CYP7B1: variants seen among roughly 807,000 people sequenced by gnomAD.
CYP7B1 encodes cytochrome P450 7B1.
In CYP7B1, 29 loss-of-function variants were observed where a neutral mutation model predicts 42.7. The observed-to-expected ratio is 0.68, with a 90% CI of 0.51 to 0.93. CYP7B1 has a LOEUF of 0.93. CYP7B1 is among the 40% of genes least tolerant of loss of function. The probability of loss-of-function intolerance (pLI) is 0.00; values close to 1 mark genes in which losing one functional copy is unlikely to be tolerated. For missense variants in CYP7B1, 655 were observed against 600.5 expected (o/e 1.09, Z -0.95); for synonymous variants, 235 against 218.2 (o/e 1.08, Z -0.68).
intron 5 of CYP7B1, among the ~76,000 whole-genome samples, chr8:64,600,903 C>A (rs1805192766): frequency 1.3e-5 from 2 of 152,172 alleles, no homozygotes; most frequent in Admixed American, 6.5e-5. Context: ...GGCTGAGTCC[C>A]TATACTGCAA....
chr8:64,795,136 C>A (rs1024761877), intron 1 of CYP7B1, among the ~76,000 whole-genome samples: 1 of 152,080 alleles, frequency 6.6e-6, no homozygotes, highest in African/African-American at 2.4e-5. Flanking sequence ...TTACAAACCA[C>A]AATTAAATAG....
intron 1 of CYP7B1, among the ~76,000 whole-genome samples, chr8:64,645,107 A>T (rs201642250): frequency 0.062 from 9,175 of 149,070 alleles, 327 homozygotes; most frequent in South Asian, 0.14. Flanking sequence ...TTTTTATGGC[A>T]GCATAGTATT....
chr8:64,731,848 C>T (rs1807415887), intron 1 of CYP7B1, among the ~76,000 whole-genome samples: 1 of 152,218 alleles, frequency 6.6e-6, no homozygotes, highest in Admixed American at 6.5e-5. Context: ...ACAGCTCAGG[C>T]CATGAATTCA....
chr8:64,696,811 T>C (rs1294012755), intron 1 of CYP7B1, among the ~76,000 whole-genome samples: 1 of 152,204 alleles, frequency 6.6e-6, no homozygotes, highest in Non-Finnish European at 1.5e-5. Flanking sequence ...AGGTAATTCT[T>C]TTATGAGATG....
rs1010140218 is a variant in CYP7B1, at chr8:64,615,736, C to T, written c.805G>A (p.Asp269Asn). Residue 269 changes from aspartate (D) to asparagine (N), a missense_variant, in exon 3 of 6, where the codon GAT becomes AAT. Asp to Asn is a conservative substitution (Grantham distance 23). Coordinates refer to ENST00000310193, the MANE Select transcript of CYP7B1 (RefSeq NM_004820.5). The stretch of plus-strand genomic sequence containing the variant: ...TGCACATAATATTTCTCCAGGACAT[C>T]TTGCCTGCTTTGAAAAACTTCTGAC... ...GWSEVFQSRQ[D>N]VLEKYYVHED... 2.5e-6 allele frequency: 4 copies of T among 1,613,604 alleles called. No individual in the cohort carries two copies. The African/African-American group carries it at 4.0e-5, about 16-fold the overall frequency.
At chr8:64,638,996 G>C (rs1805814421) in intron 1 of CYP7B1, among the ~76,000 whole-genome samples, 1 of 151,936 alleles carries the variant, frequency 6.6e-6, no homozygotes, top group Non-Finnish European at 1.5e-5. Context: ...TAAAAACAAG[G>C]GTTCTAGTGT....
intron 1 of CYP7B1, among the ~76,000 whole-genome samples, chr8:64,672,974 C>T (rs1806388368): frequency 6.6e-6 from 1 of 152,080 alleles, no homozygotes; most frequent in South Asian, 2.1e-4. Flanking sequence ...CAGTTGAGTT[C>T]TGTGCATGTC....
chr8:64,766,093 C>T (rs560938780), intron 1 of CYP7B1, among the ~76,000 whole-genome samples: 47 of 152,284 alleles, frequency 3.1e-4, no homozygotes, highest in African/African-American at 8.9e-4. Context: ...AAGAACAATT[C>T]CCCACAGGCC....
chr8:64,783,429 T>TA (rs1388572450), intron 1 of CYP7B1, among the ~76,000 whole-genome samples: 1 of 152,180 alleles, frequency 6.6e-6, no homozygotes, highest in East Asian at 1.9e-4. Flanking sequence ...GACTAAAACT[T>TA]ATCTTAACAG....
chr8:64,619,515 G>GA (rs1235264538), intron 2 of CYP7B1, among the ~76,000 whole-genome samples: 2 of 152,144 alleles, frequency 1.3e-5, no homozygotes, highest in Non-Finnish European at 1.5e-5. Context: ...ATATCTGCAA[G>GA]AAAAATACAA....
At chr8:64,742,078 T>C (rs1300797313) in intron 1 of CYP7B1, among the ~76,000 whole-genome samples, 1 of 152,160 alleles carries the variant, frequency 6.6e-6, no homozygotes, top group Non-Finnish European at 1.5e-5. Context: ...AAATCTATGA[T>C]TATGAAAAAT....
At chr8:64,645,551 T>C (rs564133531) in intron 1 of CYP7B1, among the ~76,000 whole-genome samples, 76 of 152,236 alleles carry the variant, frequency 5.0e-4, no homozygotes, top group African/African-American at 1.8e-3. Context: ...TAAAAGAGGA[T>C]ACAAACAAAT....
chr8:64,587,990 G>A (rs970879211), downstream of CYP7B1, among the ~76,000 whole-genome samples: 18 of 152,172 alleles, frequency 1.2e-4, no homozygotes, highest in Non-Finnish European at 2.2e-4. Context: ...GCTTGGGAAA[G>A]AGTTAATTCT....
chr8:64,756,963 T>A (rs908559997), intron 1 of CYP7B1, among the ~76,000 whole-genome samples: 7 of 152,112 alleles, frequency 4.6e-5, no homozygotes, highest in African/African-American at 1.4e-4. Flanking sequence ...AGACGTACAG[T>A]GGGGATTTCC....
chr8:64,692,541 T>C (rs1046944110), intron 1 of CYP7B1, among the ~76,000 whole-genome samples: 2 of 152,182 alleles, frequency 1.3e-5, no homozygotes, highest in Non-Finnish European at 2.9e-5. Context: ...AGAATCTAGA[T>C]CACAGTGGGC....
At chr8:64,629,279 T>A (rs1473591841) in intron 1 of CYP7B1, among the ~76,000 whole-genome samples, 1 of 151,066 alleles carries the variant, frequency 6.6e-6, no homozygotes, top group Non-Finnish European at 1.5e-5. Context: ...TCTATACTTA[T>A]CAGAGTAATT....
chr8:64,670,597 G>GCGCCACTCATTCTGCAGGAA (rs1806352092), intron 1 of CYP7B1, among the ~76,000 whole-genome samples: 1 of 152,142 alleles, frequency 6.6e-6, no homozygotes, highest in Admixed American at 6.5e-5. Context: ...GGAGGCAGGA[G>GCGCCACTCATTCTGCAGGAA]CGCCACTCAT....
At chr8:64,613,721 T>G (rs1563542829) in intron 4 of CYP7B1, among the ~76,000 whole-genome samples, 1 of 152,178 alleles carries the variant, frequency 6.6e-6, no homozygotes, top group Admixed American at 6.5e-5. Flanking sequence ...AAATATAAAA[T>G]TTATTTGATA....
chr8:64,783,199 T>A (rs2129688286), intron 1 of CYP7B1, among the ~76,000 whole-genome samples: 1 of 152,296 alleles, frequency 6.6e-6, no homozygotes, highest in South Asian at 2.1e-4. Flanking sequence ...AAACATCCAC[T>A]AATGATGGCA....
Sources: allele counts gnomAD v4.1 joint callset (sites outside exome capture counted in the v4.1 genomes callset), GRCh38; gene constraint gnomAD v4.1.1; transcripts MANE v1.5; gene names NCBI Gene and HGNC (gene_info 2026-07-23, HGNC 2026-07-21).